The following KIAA1671 variants were observed in gnomAD, a reference collection of about 807,000 sequenced individuals.
KIAA1671 encodes the protein uncharacterized protein KIAA1671.
In KIAA1671, 52 loss-of-function variants were observed where a neutral mutation model predicts 131.2. The observed-to-expected ratio is 0.40, with a 90% CI of 0.32 to 0.50. KIAA1671 has a LOEUF of 0.50. KIAA1671 is among the 20% of genes least tolerant of loss of function. The pLI, the probability that KIAA1671 is intolerant of heterozygous loss-of-function variation, is 0.73. For missense variants in KIAA1671, 2,360 were observed against 2,364.2 expected (o/e 1.00, Z 0.04); for synonymous variants, 1,003 against 961.6 (o/e 1.04, Z -0.80).
intron 6 of KIAA1671, among the ~76,000 whole-genome samples, chr22:25,085,884 C>G (rs1314472715): frequency 6.6e-6 from 1 of 151,968 alleles, no homozygotes; most frequent in Non-Finnish European, 1.5e-5. Context: ...AGTAGGCACT[C>G]AATAAATACT....
intron 6 of KIAA1671, among the ~76,000 whole-genome samples, chr22:25,096,738 C>T (rs1450693159): frequency 6.6e-6 from 1 of 152,224 alleles, no homozygotes; most frequent in Non-Finnish European, 1.5e-5. Context: ...ACGTTCCACA[C>T]TCCCTGAGGC....
At chr22:25,089,610 A>G (rs550520842) in intron 6 of KIAA1671, among the ~76,000 whole-genome samples, 3 of 152,122 alleles carry the variant, frequency 2.0e-5, no homozygotes, top group Admixed American at 1.3e-4. Flanking sequence ...AGATCTTGCT[A>G]TGCATAGTTA....
At position 25,114,704 on chromosome 22, in the gene KIAA1671, C is replaced by T. The variant is rs541628618; in HGVS notation, c.4531-56116C>T. Among the ~76,000 whole-genome samples, 179 of 152,350 alleles carry T rather than the reference C, an allele frequency of 1.2e-3. 3 individuals carry two copies. In the South Asian group the frequency reaches 0.031, roughly 26 times the overall value. On this transcript the variant is annotated intron_variant, in intron 6 of 12. Transcript: ENST00000358431. ...AAATTAGTTCTTGTGGCAACCAAACCTTTCCTCTCAAACCATCACTTCAAA... is the reference window on the plus strand; with the variant it reads ...AAATTAGTTCTTGTGGCAACCAAACTTTTCCTCTCAAACCATCACTTCAAA...
In KIAA1671 at chr22:25,189,130, T is replaced by C. The variant is rs545935290; in HGVS notation, c.5343-1572T>C. Among the ~76,000 whole-genome samples, 917 of 147,406 alleles carry C rather than the reference T, an allele frequency of 6.2e-3. 10 individuals carry two copies. Among genetic ancestry groups the C allele is most frequent in the Non-Finnish European group, 7.7e-3 (515 of 66,754 alleles). On this transcript the variant is annotated intron_variant, in intron 11 of 12. Coordinates refer to ENST00000358431, the MANE Select transcript of KIAA1671 (RefSeq NM_001145206.2). The stretch of plus-strand genomic sequence containing the variant: ...TCCTGGGAGGCCAGTCTTTTTCTTT[T>C]TTTTTTTTTTTTTTTGTTTTGTTTT...
chr22:25,130,097 TA>T (rs1932367797), intron 6 of KIAA1671, among the ~76,000 whole-genome samples: 1 of 152,140 alleles, frequency 6.6e-6, no homozygotes, highest in Non-Finnish European at 1.5e-5. Flanking sequence ...TTTAAATAAA[TA>T]AGCAATTATT....
intron 1 of KIAA1671, among the ~76,000 whole-genome samples, chr22:24,964,637 A>G (rs1272125311): frequency 2.5e-4 from 38 of 152,122 alleles, no homozygotes; most frequent in Non-Finnish European, 1.5e-5. Flanking sequence ...TGCCCTGGCT[A>G]GTCTTGAACT....
At chr22:25,133,534 C>G (rs1324090208) in intron 6 of KIAA1671, among the ~76,000 whole-genome samples, 2 of 152,038 alleles carry the variant, frequency 1.3e-5, no homozygotes, top group Non-Finnish European at 2.9e-5. Flanking sequence ...TTCCTTCTTC[C>G]TGTATTTTTA....
chr22:25,179,978 A>G (rs994358701), intron 9 of KIAA1671, among the ~76,000 whole-genome samples: 1 of 152,178 alleles, frequency 6.6e-6, no homozygotes, highest in African/African-American at 2.4e-5. Flanking sequence ...AGTTAGGGAA[A>G]GTTATTCCAG....
At chr22:24,958,383 C>T (rs927810904) in intron 1 of KIAA1671, among the ~76,000 whole-genome samples, 2 of 152,122 alleles carry the variant, frequency 1.3e-5, no homozygotes, top group Non-Finnish European at 2.9e-5. Context: ...GGTGAGGTGG[C>T]TCACGCCTGT....
At chr22:25,076,918 T>C (rs1269461257) in intron 6 of KIAA1671, among the ~76,000 whole-genome samples, 1 of 152,190 alleles carries the variant, frequency 6.6e-6, no homozygotes, top group African/African-American at 2.4e-5. Context: ...ATTTTGCAAT[T>C]AGGGAAACTG....
intron 6 of KIAA1671, among the ~76,000 whole-genome samples, chr22:25,146,075 G>A (rs1385886762): frequency 1.3e-5 from 2 of 152,226 alleles, no homozygotes; most frequent in African/African-American, 4.8e-5. Context: ...ACACGCTCAG[G>A]AAATTACCTG....
At chr22:25,083,932 T>C (rs1929549150) in intron 6 of KIAA1671, among the ~76,000 whole-genome samples, 1 of 152,194 alleles carries the variant, frequency 6.6e-6, no homozygotes, top group African/African-American at 2.4e-5. Context: ...CGCCCCTATT[T>C]GCCGAGAGCA....
intron 6 of KIAA1671, among the ~76,000 whole-genome samples, chr22:25,156,462 A>T (rs987606702): frequency 3.3e-5 from 5 of 150,860 alleles, no homozygotes; most frequent in Admixed American, 2.0e-4. Context: ...TTTTGTGTAC[A>T]TGTTTGTGTG....
At chr22:24,984,196 A>G (rs1450299739) in intron 1 of KIAA1671, among the ~76,000 whole-genome samples, 1 of 152,208 alleles carries the variant, frequency 6.6e-6, no homozygotes, top group East Asian at 1.9e-4. Context: ...GACTGAGGGT[A>G]CATGCCTTAA....
intron 6 of KIAA1671, among the ~76,000 whole-genome samples, chr22:25,166,424 G>A (rs533460060): frequency 6.6e-6 from 1 of 152,226 alleles, no homozygotes; most frequent in East Asian, 1.9e-4. Flanking sequence ...AGGGCCATCC[G>A]CAAGAGGTCT....
At chr22:25,073,187 C>T (rs1437927611) in intron 6 of KIAA1671, among the ~76,000 whole-genome samples, 1 of 152,154 alleles carries the variant, frequency 6.6e-6, no homozygotes, top group Non-Finnish European at 1.5e-5. Context: ...CCCACCTCAG[C>T]CTCCAGAGTA....
chr22:25,105,821 G>GT (rs1491324429), intron 6 of KIAA1671, among the ~76,000 whole-genome samples: 17 of 54,104 alleles, frequency 3.1e-4, no homozygotes, highest in Non-Finnish European at 4.8e-4. Flanking sequence ...TATGAAGTTG[G>GT]GGGGGGGGGG....
chr22:25,073,268 A>T (rs371215013), intron 6 of KIAA1671, among the ~76,000 whole-genome samples: 5 of 151,686 alleles, frequency 3.3e-5, no homozygotes, highest in Admixed American at 6.6e-5. Context: ...TGGCCTCACT[A>T]TGTTGCCCAG....
intron 6 of KIAA1671, among the ~76,000 whole-genome samples, chr22:25,114,589 AT>A (rs1568963905): frequency 6.6e-6 from 1 of 152,120 alleles, no homozygotes; most frequent in Non-Finnish European, 1.5e-5. Flanking sequence ...CTGTGCCTTG[AT>A]TTCCTCCTCT....
Sources: allele counts gnomAD v4.1 joint callset (sites outside exome capture counted in the v4.1 genomes callset), GRCh38; gene constraint gnomAD v4.1.1; transcripts MANE v1.5; gene names NCBI Gene and HGNC (gene_info 2026-07-23, HGNC 2026-07-21).